Variants in NR2C2 observed in about 807,000 individuals in gnomAD.
NR2C2 encodes the protein Nuclear hormone receptor TR4.
Under a neutral mutation model 62.9 loss-of-function variants are expected in NR2C2, and 6 were observed. The ratio of observed to expected loss-of-function variants is 0.10; its 90% CI spans 0.05 to 0.19. The LOEUF is 0.19. Among genes scored for constraint, NR2C2 ranks in the 10% least tolerant of loss-of-function variants. The pLI is 1.00. For synonymous variants in NR2C2, 272 were observed against 273.8 expected, an observed-to-expected ratio of 0.99 and a Z score of 0.07; for missense variants, 479 against 762.7, an observed-to-expected ratio of 0.63 and a Z score of 4.38.
intron 2 of NR2C2, among the ~76,000 whole-genome samples, chr3:15,010,394 T>G (rs1307716200): frequency 6.6e-6 from 1 of 151,968 alleles, no homozygotes; most frequent in African/African-American, 2.4e-5. Flanking sequence ...TCATTGAATT[T>G]TTATAAGCGT....
intron 1 of NR2C2, among the ~76,000 whole-genome samples, chr3:14,988,427 C>T (rs2040569859): frequency 1.3e-5 from 2 of 152,242 alleles, no homozygotes; most frequent in African/African-American, 4.8e-5. Context: ...GGACCACACA[C>T]TGATAAAGCC....
intron 1 of NR2C2, among the ~76,000 whole-genome samples, chr3:14,995,437 T>C (rs1213953294): frequency 1.3e-5 from 2 of 152,106 alleles, no homozygotes; most frequent in Non-Finnish European, 2.9e-5. Context: ...TTGAATCATA[T>C]AGTCTTTTGT....
intron 3 of NR2C2, among the ~76,000 whole-genome samples, chr3:15,014,776 T>C (rs1251544869): frequency 6.6e-6 from 1 of 152,198 alleles, no homozygotes; most frequent in Admixed American, 6.5e-5. Flanking sequence ...CCATCCATGT[T>C]GTAGCATGTG....
chr3:15,038,215 C>A, intron 12 of NR2C2, 78 bp downstream of exon 12: 1 of 1,447,294 alleles, frequency 6.9e-7, no homozygotes, highest in Non-Finnish European at 9.3e-7. Context: ...ATGTTGTCAT[C>A]ATTGGTGTAG....
At chr3:14,958,907 C>T (rs554433398) in intron 1 of NR2C2, among the ~76,000 whole-genome samples, 15 of 152,162 alleles carry the variant, frequency 9.9e-5, no homozygotes, top group Non-Finnish European at 1.5e-4. Flanking sequence ...ACCAGGGAGT[C>T]GGAGGTTGCA....
At chr3:15,000,983 T>A (rs6772927) in intron 1 of NR2C2, among the ~76,000 whole-genome samples, 22,261 of 151,668 alleles carry the variant, frequency 0.15, 1,931 homozygotes, top group Middle Eastern at 0.21. Context: ...CCCGGCTAAT[T>A]TTTTGTATTT....
In NR2C2 at chr3:14,947,763, T is replaced by G. The variant is rs1184382152; in HGVS notation, c.-183T>G. ...CCTCGGCGTCTCGTCTCTCGCCCGC[T>G]GCCCCGCGAGCCCGCGGCCCCCGGG... On this transcript the variant is annotated 5_prime_UTR_variant, in exon 1 of 14. Coordinates refer to ENST00000425241, the MANE Select transcript of NR2C2 (RefSeq NM_001291694.2). 6.8e-6 allele frequency: 1 copy of G among 147,550 alleles called. No individual in the cohort carries two copies. The highest frequency in any genetic ancestry group is 1.5e-5 in the Non-Finnish European group (1 of 66,576). 9.1% of individuals were successfully genotyped at this position (147,550 alleles called of 1,614,324 possible). A position where few individuals can be genotyped will look rare whatever the true frequency, so the allele number is the denominator to read the frequency against.
chr3:14,975,989 A>C (rs1270812530), intron 1 of NR2C2, among the ~76,000 whole-genome samples: 2 of 151,798 alleles, frequency 1.3e-5, no homozygotes, highest in African/African-American at 4.8e-5. Context: ...GCCCGGGCTG[A>C]CCTCGAACTC....
At chr3:15,042,752 G>T (rs2042314014) in intron 13 of NR2C2, 82 bp from the exon 14 acceptor site, 2 of 1,321,128 alleles carry the variant, frequency 1.5e-6, no homozygotes, top group African/African-American at 1.5e-5. Context: ...GTGCAATACA[G>T]ACGGGACCCC....
rs900328148 is a variant in NR2C2, at chr3:14,972,625, A to C, written c.-40+24719A>C. 5.9e-5 allele frequency among the ~76,000 whole-genome samples: 9 copies of C among 152,122 alleles called. No individual in the cohort carries two copies. In the East Asian group the frequency reaches 7.7e-4, roughly 13 times the overall value. On this transcript the variant is annotated intron_variant, in intron 1 of 13. Coordinates refer to ENST00000425241, the MANE Select transcript of NR2C2 (RefSeq NM_001291694.2). ...ATTCTGGATATTAAGCCCTTATTAG[A>C]TTGTAGTAGTCCATTCTTGCATTGC... is the stretch of plus-strand genomic sequence containing the variant.
chr3:15,038,065 A>T lies in NR2C2; in HGVS notation c.1438A>T (p.Asn480Tyr). 6.2e-7 allele frequency: 1 copy of T among 1,614,206 alleles called. No individual in the cohort carries two copies. The highest frequency in any genetic ancestry group is 1.1e-5 in the South Asian group (1 of 91,076). Residue 480 changes from asparagine (N) to tyrosine (Y), a missense_variant, in exon 12 of 14, where the codon AAC becomes TAC. By Grantham distance (143) the Asn-to-Tyr change is moderately radical. Around this residue, in one of 4 missense-constraint regions of NR2C2, gnomAD observed 162 missense variants for 296.8 expected, o/e 0.55. Coordinates refer to ENST00000425241, the MANE Select transcript of NR2C2 (RefSeq NM_001291694.2). ...EHIWKLQEFC[N>Y]SMAKLDIDGY... ...CATCTGGAAGCTGCAGGAGTTCTGTAACAGCATGGCGAAGCTGGATATAGA... is the reference window on the plus strand; with the variant it reads ...CATCTGGAAGCTGCAGGAGTTCTGTTACAGCATGGCGAAGCTGGATATAGA...
rs369992667 is a variant in NR2C2, at chr3:15,030,512, A to G, written c.1110+60A>G. The G allele has an allele frequency of 2.3e-5, 34 of 1,458,672 alleles. No homozygotes were observed. The African/African-American group carries it at 4.4e-4, about 19-fold the overall frequency. The allele number at this position is 1,458,672 out of a possible 1,614,324, so 90.4% of individuals were successfully genotyped here. Reference sequence around the variant, plus strand: ...CTGCTGGGGGATAGGTTCTGTACCAAAGCCGATCTGCAGTTTTAAAAATCA... The same window carrying G: ...CTGCTGGGGGATAGGTTCTGTACCAGAGCCGATCTGCAGTTTTAAAAATCA... On this transcript the variant is annotated intron_variant, in intron 9 of 13. Coordinates refer to ENST00000425241, the MANE Select transcript of NR2C2 (RefSeq NM_001291694.2).
At chr3:15,027,851 C>A (rs1027634047) in intron 7 of NR2C2, among the ~76,000 whole-genome samples, 1 of 151,726 alleles carries the variant, frequency 6.6e-6, no homozygotes, top group Non-Finnish European at 1.5e-5. Context: ...TTCTGCTTTG[C>A]CCTCCCAAAG....
At chr3:15,015,773 T>G (rs1045923355) in intron 3 of NR2C2, among the ~76,000 whole-genome samples, 9 of 152,198 alleles carry the variant, frequency 5.9e-5, no homozygotes, top group African/African-American at 1.9e-4. Context: ...AATTTGTAAT[T>G]AAACATTACT....
At chr3:14,983,772 A>C (rs1448106974) in intron 1 of NR2C2, among the ~76,000 whole-genome samples, 1 of 152,170 alleles carries the variant, frequency 6.6e-6, no homozygotes, top group Non-Finnish European at 1.5e-5. Context: ...TTTAGTTGTG[A>C]TTGACTCAGT....
At chr3:15,005,795 A>G (rs558360729) in intron 2 of NR2C2, among the ~76,000 whole-genome samples, 13 of 151,704 alleles carry the variant, frequency 8.6e-5, no homozygotes, top group African/African-American at 3.1e-4. Context: ...TTTTTTTCCT[A>G]CTTCCTACAT....
At position 15,037,932 on chromosome 3, in the gene NR2C2, G is replaced by A. The variant is rs1575042365; in HGVS notation, c.1373-68G>A. Reference sequence around the variant, plus strand: ...ATGGTCCCATTTCTTTCCATATGTGGCCCCTCAAATAAGCTGGTTTTATTG... The same window carrying A: ...ATGGTCCCATTTCTTTCCATATGTGACCCCTCAAATAAGCTGGTTTTATTG... On this transcript the variant is annotated intron_variant, in intron 11 of 13. Transcript: ENST00000425241. 13 of 1,466,298 alleles carry A rather than the reference G, an allele frequency of 8.9e-6. No individual in the cohort carries two copies. In the East Asian group the frequency reaches 3.1e-4, roughly 35 times the overall value. The allele number at this position is 1,466,298 out of a possible 1,614,324, so 90.8% of individuals were successfully genotyped here.
At chr3:14,966,949 T>G (rs931704188) in intron 1 of NR2C2, among the ~76,000 whole-genome samples, 2 of 152,224 alleles carry the variant, frequency 1.3e-5, no homozygotes, top group Non-Finnish European at 2.9e-5. Context: ...TTAACTTTTC[T>G]TTAAAAATCT....
At chr3:14,976,333 C>A (rs753309808) in intron 1 of NR2C2, among the ~76,000 whole-genome samples, 1 of 152,110 alleles carries the variant, frequency 6.6e-6, no homozygotes, top group African/African-American at 2.4e-5. Flanking sequence ...TTGTATAAAT[C>A]GGTGTTCTGG....
Sources: gnomAD v4.1 joint callset for allele counts (sites outside exome capture counted in the v4.1 genomes callset) on GRCh38, gnomAD v4.1.1 for gene constraint, gnomAD v4.1.1 regional missense constraint, MANE v1.5 for transcripts, NCBI Gene and HGNC (gene_info 2026-07-23, HGNC 2026-07-21) for gene names.